The following SLC25A41 variants were observed in gnomAD, a reference collection of about 807,000 sequenced individuals.
SLC25A41 encodes solute carrier family 25 member 41, also known as mitochondrial carrier protein SCaMC-3L.
A neutral mutation model predicts 34.7 loss-of-function variants in SLC25A41; 35 were observed. The observed-to-expected ratio is 1.01, with a 90% CI of 0.77 to 1.34. The LOEUF (loss-of-function observed/expected upper bound fraction) is 1.34. Ranked by LOEUF, SLC25A41 falls within the 40% of genes most tolerant of loss-of-function variation. The probability of loss-of-function intolerance (pLI) is 0.00; values close to 1 mark genes in which losing one functional copy is unlikely to be tolerated. For missense variants in SLC25A41, 492 were observed against 489.8 expected (o/e 1.00, Z -0.04); for synonymous variants, 190 against 209.9 (o/e 0.91, Z 0.82).
intron 4 of SLC25A41, among the ~76,000 whole-genome samples, chr19:6,429,270 ATAAT>A (rs2092269373): frequency 8.9e-6 from 1 of 112,192 alleles, no homozygotes; most frequent in African/African-American, 3.3e-5. Context: ...TGTGTTATAT[ATAAT>A]ATATTCATAT....
chr19:6,434,759 A>C (rs1047265392), upstream of SLC25A41, among the ~76,000 whole-genome samples: 6 of 152,062 alleles, frequency 3.9e-5, no homozygotes, highest in Admixed American at 2.6e-4. Flanking sequence ...AAATACAAAA[A>C]TTAGCCAGGT....
intron 3 of SLC25A41, 81 bp downstream of exon 3, chr19:6,429,928 G>A: frequency 6.3e-7 from 1 of 1,589,570 alleles, no homozygotes; most frequent in Non-Finnish European, 8.6e-7. Flanking sequence ...GTGAGTGTGT[G>A]CTTGAACAAG....
rs1046051102 is a variant in SLC25A41, at chr19:6,426,174, G to A, written c.*215C>T. 33 of 538,526 alleles carry A rather than the reference G, an allele frequency of 6.1e-5. 1 individual carries two copies. Among genetic ancestry groups the A allele is most frequent in the Non-Finnish European group, 6.9e-5 (21 of 302,784 alleles). 33.4% of individuals were successfully genotyped at this position (538,526 alleles called of 1,614,324 possible). A position where few individuals can be genotyped will look rare whatever the true frequency, so the allele number is the denominator to read the frequency against. Reference sequence around the variant, plus strand: ...CTGCACCCTGGGGAGGGAGTCCCAGGAGTTTTCTGACCCAGCACTGCCCCC... The same window carrying A: ...CTGCACCCTGGGGAGGGAGTCCCAGAAGTTTTCTGACCCAGCACTGCCCCC... On this transcript the variant is annotated 3_prime_UTR_variant, in exon 7 of 7. Transcript: ENST00000321510.
upstream of SLC25A41, among the ~76,000 whole-genome samples, chr19:6,435,737 G>A (rs543101525): frequency 4.6e-5 from 7 of 152,102 alleles, no homozygotes; most frequent in African/African-American, 1.7e-4. Flanking sequence ...TGCACCTGTA[G>A]TCCCAGCTAC....
rs1281365144 is a variant in SLC25A41, at chr19:6,428,717, A to T, written c.624+1007T>A. Among the ~76,000 whole-genome samples, 140 of 144,816 alleles carry T rather than the reference A, an allele frequency of 9.7e-4. 1 individual carries two copies. The East Asian group carries it at 0.017, about 18-fold the overall frequency. On this transcript the variant is annotated intron_variant, in intron 4 of 6. Coordinates refer to ENST00000321510, the MANE Select transcript of SLC25A41 (RefSeq NM_173637.4). ...TATTATATATAAAACATATATATAT[A>T]TATATTTTTTTTGAGACAGGGTCTC...
rs1226198551 is a variant in SLC25A41, at chr19:6,429,777, G to T, written c.571C>A (p.Leu191Ile). 2 of 1,610,384 alleles carry T rather than the reference G, an allele frequency of 1.2e-6. No individual in the cohort carries two copies. The highest frequency in any genetic ancestry group is 1.7e-4 in the Middle Eastern group (1 of 6,038). The change falls in exon 4 of 7, where the codon CTT becomes ATT. Residue 191 changes from leucine to isoleucine, a missense_variant. By Grantham distance (5) the Leu-to-Ile change is conservative. Transcript: ENST00000321510. ...ATGGCCACAGCCAGGGAGCCAGCAA[G>T]GAGACGCTCCTGGAAGGGCGGGGAC... ...QGSPPFQERL[L>I]AGSLAVAISQ...
Position 6,427,386 on chromosome 19 carries a change from G to A in SLC25A41, c.740C>T (p.Pro247Leu). 6.2e-7 allele frequency: 1 copy of A among 1,611,922 alleles called. No homozygotes were observed. Among genetic ancestry groups the A allele is most frequent in the South Asian group, 1.1e-5 (1 of 90,916 alleles). ...GTRALYRGYL[P>L]NMLGIIPYAC... ...ATAGGGGATGATGCCGAGCATATTG[G>A]GCAGGTAGCCGCGGTAAAGGGCGCG... The change falls in exon 5 of 7, where the codon CCC becomes CTC. Residue 247 changes from proline to leucine, a missense_variant. Transcript: ENST00000321510. The surrounding 1 kb of genome is among the most constrained non-coding windows in gnomAD (Gnocchi z 4.9).
chr19:6,435,238 GAAAA>G (rs550630442), upstream of SLC25A41, among the ~76,000 whole-genome samples: 3 of 118,480 alleles, frequency 2.5e-5, no homozygotes, highest in Non-Finnish European at 5.4e-5. Flanking sequence ...AAAAAAAAAA[GAAAA>G]AAAAAAAAAG....
intron 4 of SLC25A41, among the ~76,000 whole-genome samples, chr19:6,428,995 C>A (rs2092257274): frequency 8.7e-6 from 1 of 114,688 alleles, no homozygotes; most frequent in Non-Finnish European, 1.7e-5. Context: ...GGATTACAGG[C>A]ATGAGCCAAG....
chr19:6,430,105 G>A lies in SLC25A41; in HGVS notation c.420C>T (p.Val140=), dbSNP rs1031318190. ...ACAGGGAGCGGAAGCCGCCCTCCTG[G>A]ACCATGCTCTGTAGCCCCCCCAGCA... The part of the protein sequence containing the change: ...TNLLGGLQSM[V]QEGGFRSLWR... Residue 140 remains valine, a synonymous_variant, in exon 3 of 7, where the codon GTC becomes GTT. Coordinates refer to ENST00000321510, the MANE Select transcript of SLC25A41 (RefSeq NM_173637.4). The A allele has an allele frequency of 2.5e-6, 4 of 1,613,322 alleles. No homozygotes were observed. The highest frequency in any genetic ancestry group is 2.5e-6 in the Non-Finnish European group (3 of 1,179,680).
chr19:6,429,651 G>T (rs2092275491), intron 4 of SLC25A41, 73 bp downstream of exon 4: 1 of 1,095,138 alleles, frequency 9.1e-7, no homozygotes, highest in Non-Finnish European at 1.3e-6. Flanking sequence ...AGGAGGAAGA[G>T]GAAGTAGCCC....
rs200174306 is a variant in SLC25A41 at position 6,429,240 on chromosome 19, A to G, written c.624+484T>C. Among the ~76,000 whole-genome samples the G allele has an allele frequency of 3.3e-4, 34 of 103,350 alleles. 1 individual carries two copies. The East Asian group carries it at 9.4e-3, about 29-fold the overall frequency. The allele number at this position is 103,350 out of a possible 152,430, so 67.8% of individuals were successfully genotyped here. ...AATATATACATATATAAATTTATGA[A>G]AATGTTATATATATGTATATGTGTT... On this transcript the variant is annotated intron_variant, in intron 4 of 6. Transcript: ENST00000321510.
In SLC25A41 at chr19:6,426,327, G is replaced by A. The variant is rs1374273070; in HGVS notation, c.*62C>T. 1.3e-6 allele frequency: 2 copies of A among 1,553,198 alleles called. No individual in the cohort carries two copies. The highest frequency in any genetic ancestry group is 1.8e-6 in the Non-Finnish European group (2 of 1,139,226). ...CTTGAGGCCTCGAGGGCTCTTTGGG[G>A]CCAGGGGTCATCAGGTCCTCCTGTC... On this transcript the variant is annotated 3_prime_UTR_variant, in exon 7 of 7. Coordinates refer to ENST00000321510, the MANE Select transcript of SLC25A41 (RefSeq NM_173637.4).
Position 6,433,610 on chromosome 19 carries a change from T to C in SLC25A41, c.84A>G (p.Lys28=). Residue 28 remains lysine, a synonymous_variant, in exon 1 of 7, where the codon AAA becomes AAG. Coordinates refer to ENST00000321510, the MANE Select transcript of SLC25A41 (RefSeq NM_173637.4). ...GCGGAGGTTGGGGGGGAGGCGGGGC[T>C]TTGATGAGTAAGGTCTTGACCCTCC... ...LFRRVKTLLI[K]APPPPQPPPP... 1 of 1,611,926 alleles carries C rather than the reference T, an allele frequency of 6.2e-7. No homozygotes were observed. The highest frequency in any genetic ancestry group is 8.5e-7 in the Non-Finnish European group (1 of 1,178,922).
chr19:6,429,178 A>AT lies in SLC25A41; in HGVS notation c.624+545dup, dbSNP rs2092268150. Among the ~76,000 whole-genome samples, 2 of 72,570 alleles carry AT rather than the reference A, an allele frequency of 2.8e-5. 1 individual carries two copies. Among genetic ancestry groups the AT allele is most frequent in the East Asian group, 8.1e-4 (2 of 2,482 alleles). The allele number at this position is 72,570 out of a possible 152,430, so 47.6% of individuals were successfully genotyped here. A position where few individuals can be genotyped will look rare whatever the true frequency, so the allele number is the denominator to read the frequency against. ...ATTATATATATAATATATATATAAT[A>AT]TATATATGTTATATATATAATATAT... is the stretch of plus-strand genomic sequence containing the variant. On this transcript the variant is annotated intron_variant, in intron 4 of 6. Coordinates refer to ENST00000321510, the MANE Select transcript of SLC25A41 (RefSeq NM_173637.4).
chr19:6,427,699 C>T lies in SLC25A41; in HGVS notation c.625-198G>A, dbSNP rs556103599. 3.3e-5 allele frequency among the ~76,000 whole-genome samples: 5 copies of T among 152,282 alleles called. No individual in the cohort carries two copies. Among genetic ancestry groups the T allele is most frequent in the Admixed American group, 2.0e-4 (3 of 15,294 alleles). ...CTGAAGCACAAATGCTGGCAAAGGC[C>T]AAGAGAGTGAGGGAAGAAGGCTCAC... On this transcript the variant is annotated intron_variant, in intron 4 of 6. Transcript: ENST00000321510. The surrounding 1 kb of genome is among the most constrained non-coding windows in gnomAD (Gnocchi z 4.9).
At chr19:6,431,354 TCCTCCTGCCTCAG>T (rs1378424436) in intron 2 of SLC25A41, among the ~76,000 whole-genome samples, 1 of 151,788 alleles carries the variant, frequency 6.6e-6, no homozygotes, top group Admixed American at 6.6e-5. Context: ...GCTCAAGCAA[TCCTCCTGCCTCAG>T]CCTCCTGAGC....
chr19:6,435,450 G>C (rs2092305506), upstream of SLC25A41, among the ~76,000 whole-genome samples: 1 of 149,558 alleles, frequency 6.7e-6, no homozygotes, highest in Admixed American at 6.6e-5. Flanking sequence ...GCTGGGCGTG[G>C]TGGCTCACAC....
At position 6,429,039 on chromosome 19, in the gene SLC25A41, A is replaced by C. The variant is rs1281804017; in HGVS notation, c.624+685T>G. On this transcript the variant is annotated intron_variant, in intron 4 of 6. Transcript: ENST00000321510. ...CCTGAAAATTTATATATATATATAT[A>C]ATATATATATTATATATATGTTATA... Among the ~76,000 whole-genome samples, 106 of 26,968 alleles carry C rather than the reference A, an allele frequency of 3.9e-3. 3 individuals carry two copies. Among genetic ancestry groups the C allele is most frequent in the African/African-American group, 0.025 (96 of 3,882 alleles). The allele number at this position is 26,968 out of a possible 152,430, so 17.7% of individuals were successfully genotyped here. A position where few individuals can be genotyped will look rare whatever the true frequency, so the allele number is the denominator to read the frequency against.
Sources: allele counts gnomAD v4.1 joint callset (sites outside exome capture counted in the v4.1 genomes callset), GRCh38; gene constraint gnomAD v4.1.1; non-coding constraint Gnocchi (gnomAD v3.1); transcripts MANE v1.5; gene names NCBI Gene and HGNC (gene_info 2026-07-23, HGNC 2026-07-21).